Variants in LINGO2 observed in about 807,000 individuals in gnomAD.
LINGO2 encodes leucine rich repeat and Ig domain containing 2, also known as leucine-rich repeat and immunoglobulin-like domain-containing nogo receptor-interacting protein 2.
In LINGO2, 14 loss-of-function variants were observed where a neutral mutation model predicts 30.6. That is an observed-to-expected ratio of 0.46 (90% CI 0.30 to 0.72). The LOEUF (loss-of-function observed/expected upper bound fraction) is 0.72. LINGO2 is among the 30% of genes least tolerant of loss of function. The pLI is 0.07. For synonymous variants in LINGO2, 317 were observed against 288.5 expected, an observed-to-expected ratio of 1.10 and a Z score of -1.00; for missense variants, 729 against 751.7, an observed-to-expected ratio of 0.97 and a Z score of 0.35.
At chr9:28,649,881 C>T (rs10968703) in intron 1 of LINGO2, among the ~76,000 whole-genome samples, 19,857 of 151,750 alleles carry the variant, frequency 0.13, 1,701 homozygotes, top group African/African-American at 0.24. Context: ...GCTGAACAGC[C>T]CCTGATTCAA....
intron 4 of LINGO2, among the ~76,000 whole-genome samples, chr9:28,098,685 C>T (rs1450236174): frequency 6.6e-6 from 1 of 152,112 alleles, no homozygotes. Flanking sequence ...TGCTAAGCCC[C>T]ATGTGGAGAT....
At chr9:29,198,874 G>A in the LINGO2 span, among the ~76,000 whole-genome samples, 38 of 152,176 alleles carry the variant, frequency 2.5e-4, no homozygotes, top group African/African-American at 8.4e-4. Flanking sequence ...GAAATATTAC[G>A]CATGTAACTG....
chr9:28,299,076 C>T (rs1328205610), intron 3 of LINGO2, among the ~76,000 whole-genome samples: 2 of 152,056 alleles, frequency 1.3e-5, no homozygotes, highest in African/African-American at 4.8e-5. Flanking sequence ...ATTTTATAGG[C>T]TATTGATTTG....
intron 3 of LINGO2, among the ~76,000 whole-genome samples, chr9:28,313,034 C>A (rs754115093): frequency 2.0e-5 from 3 of 152,166 alleles, no homozygotes; most frequent in Non-Finnish European, 4.4e-5. Context: ...AGGTACCAAG[C>A]AAAATACCAA....
At chr9:28,555,801 G>A (rs1164792568) in intron 1 of LINGO2, among the ~76,000 whole-genome samples, 1 of 152,000 alleles carries the variant, frequency 6.6e-6, no homozygotes, top group Non-Finnish European at 1.5e-5. Context: ...TATCCACCAT[G>A]ATCAAGTGGG....
rs193186156 is a variant in LINGO2, at chr9:28,659,973, A to T, written c.-365+10227T>A. The stretch of plus-strand genomic sequence containing the variant: ...TTAAATGTTCTGCAGGAGGAAGTAA[A>T]TAATCCTGGAAGAAAAATGTCAGAT... On this transcript the variant is annotated intron_variant, in intron 1 of 5. Coordinates refer to ENST00000379992, the Ensembl canonical transcript of LINGO2. 6.6e-5 allele frequency among the ~76,000 whole-genome samples: 10 copies of T among 152,334 alleles called. No individual in the cohort carries two copies. In the East Asian group the frequency reaches 1.7e-3, roughly 26 times the overall value.
At chr9:29,109,056 G>A in the LINGO2 span, among the ~76,000 whole-genome samples, 3 of 152,244 alleles carry the variant, frequency 2.0e-5, no homozygotes, top group South Asian at 4.1e-4. Flanking sequence ...AAAATTGAAT[G>A]CAAATCTACA....
chr9:29,020,844 T>TG, the LINGO2 span, among the ~76,000 whole-genome samples: 2 of 151,518 alleles, frequency 1.3e-5, no homozygotes, highest in Non-Finnish European at 2.9e-5. Flanking sequence ...GAGCAAAGGG[T>TG]GGGGGGAAAA....
intron 4 of LINGO2, among the ~76,000 whole-genome samples, chr9:28,180,021 A>C (rs1396795091): frequency 6.6e-6 from 1 of 152,114 alleles, no homozygotes; most frequent in African/African-American, 2.4e-5. Context: ...CTGTAATGAC[A>C]TTTAGCCTTC....
At chr9:28,734,955 T>C in the LINGO2 span, among the ~76,000 whole-genome samples, 1 of 152,180 alleles carries the variant, frequency 6.6e-6, no homozygotes, top group East Asian at 1.9e-4. Context: ...TCTTTTTGTG[T>C]TGTTTTATGT....
chr9:28,598,429 A>AC (rs1301998969), intron 1 of LINGO2, among the ~76,000 whole-genome samples: 2,151 of 128,242 alleles, frequency 0.017, 41 homozygotes, highest in Non-Finnish European at 0.02. Flanking sequence ...AAAAAAAAAA[A>AC]AAAAACAAAA....
At chr9:27,980,408 G>A (rs1463175336) in intron 5 of LINGO2, among the ~76,000 whole-genome samples, 2 of 151,894 alleles carry the variant, frequency 1.3e-5, no homozygotes, top group African/African-American at 4.8e-5. Context: ...AGCAATTGGA[G>A]GAAAACTGTC....
the LINGO2 span, among the ~76,000 whole-genome samples, chr9:29,139,576 C>A: frequency 6.6e-6 from 1 of 152,048 alleles, no homozygotes; most frequent in African/African-American, 2.4e-5. Flanking sequence ...ACCAATTCAA[C>A]AACAACATAT....
chr9:28,949,458 A>G, the LINGO2 span, among the ~76,000 whole-genome samples: 1 of 152,138 alleles, frequency 6.6e-6, no homozygotes. Flanking sequence ...AATACAAACT[A>G]CCATCAGAGA....
rs954697009 is a variant in LINGO2 at position 28,632,853 on chromosome 9, T to A, written c.-365+37347A>T. Among the ~76,000 whole-genome samples the A allele has an allele frequency of 7.3e-4, 56 of 76,752 alleles. 1 individual carries two copies. Among genetic ancestry groups the A allele is most frequent in the East Asian group, 7.2e-3 (20 of 2,792 alleles). 50.4% of individuals were successfully genotyped at this position (76,752 alleles called of 152,430 possible). A position where few individuals can be genotyped will look rare whatever the true frequency, so the allele number is the denominator to read the frequency against. Reference sequence around the variant, plus strand: ...ATTATATATATAAATCTATATATATTTTTTATATATATATATATATATATA... The same window carrying A: ...ATTATATATATAAATCTATATATATATTTTATATATATATATATATATATA... On this transcript the variant is annotated intron_variant, in intron 1 of 5. Coordinates refer to ENST00000379992, the Ensembl canonical transcript of LINGO2.
At chr9:28,789,356 T>C in the LINGO2 span, among the ~76,000 whole-genome samples, 2 of 152,226 alleles carry the variant, frequency 1.3e-5, no homozygotes, top group African/African-American at 4.8e-5. Context: ...CAATGTTTTG[T>C]AAATCAAGCC....
chr9:29,059,570 GACACAAATATA>G, the LINGO2 span, among the ~76,000 whole-genome samples: 1 of 151,626 alleles, frequency 6.6e-6, no homozygotes, highest in Non-Finnish European at 1.5e-5. Flanking sequence ...ACCAACATTA[GACACAAATATA>G]TCATCAATTG....
chr9:28,742,131 G>C, the LINGO2 span, among the ~76,000 whole-genome samples: 5 of 151,932 alleles, frequency 3.3e-5, no homozygotes, highest in Non-Finnish European at 7.4e-5. Flanking sequence ...GGTGAACCTG[G>C]TCTTGGGGTT....
intron 1 of LINGO2, among the ~76,000 whole-genome samples, chr9:28,563,215 C>G (rs923251219): frequency 1.3e-5 from 2 of 152,022 alleles, no homozygotes. Flanking sequence ...ATATTTTGAT[C>G]AAAACCTCAG....
Sources: allele counts gnomAD v4.1 joint callset (sites outside exome capture counted in the v4.1 genomes callset), GRCh38; gene constraint gnomAD v4.1.1; transcripts MANE v1.5; gene names NCBI Gene and HGNC (gene_info 2026-07-23, HGNC 2026-07-21).